Variants in ZNF142 observed in about 807,000 individuals in gnomAD.
ZNF142 encodes the protein zinc finger protein 142 (clone pHZ-49).
Under a neutral mutation model 132.1 loss-of-function variants are expected in ZNF142, and 96 were observed. That is an observed-to-expected ratio of 0.73 (90% CI 0.62 to 0.86). The LOEUF (loss-of-function observed/expected upper bound fraction) is 0.86. Among genes scored for constraint, ZNF142 ranks in the 40% least tolerant of loss-of-function variants. The pLI is 0.00. For synonymous variants in ZNF142, 842 were observed against 890.1 expected, an observed-to-expected ratio of 0.95 and a Z score of 0.96; for missense variants, 2,163 against 2,336.2, an observed-to-expected ratio of 0.93 and a Z score of 1.53.
In ZNF142 at chr2:218,644,344, C is replaced by T. The variant is rs762842651; in HGVS notation, c.2772G>A (p.Arg924=). 1.2e-6 allele frequency: 2 copies of T among 1,614,002 alleles called. No individual in the cohort carries two copies. The highest frequency in any genetic ancestry group is 2.2e-5 in the South Asian group (2 of 91,086). Residue 924 remains arginine (R), a synonymous_variant, in exon 9 of 11, where the codon AGG becomes AGA. Transcript: ENST00000411696. The surrounding 1 kb of genome is among the most constrained non-coding windows in gnomAD (Gnocchi z 4.6). ...EVTETAPMEF[R]PLGLEGPDGL... The stretch of plus-strand genomic sequence containing the variant: ...CATCTGGCCCTTCCAGTCCCAGGGG[C>T]CTGAACTCCATAGGGGCTGTTTCAG...
In ZNF142 at chr2:218,643,545, AG is replaced by A; in HGVS notation, c.3570del (p.Ser1191HisfsTer26). ...CFDPVPPAGN[S>X]SPTEAPKKHH... Reference sequence around the variant, plus strand: ...TGCTTCTTAGGGGCCTCCGTGGGTGAGGAGTTTCCTGCAGGAGGGACTGGGT... The same window carrying A: ...TGCTTCTTAGGGGCCTCCGTGGGTGAGAGTTTCCTGCAGGAGGGACTGGGT... On this transcript the variant is annotated frameshift_variant, in exon 9 of 11. Coordinates refer to ENST00000411696, the MANE Select transcript of ZNF142 (RefSeq NM_001379659.1). LOFTEE classifies it high-confidence loss of function. 1.2e-6 allele frequency: 2 copies of A among 1,608,300 alleles called. No homozygotes were observed. Among genetic ancestry groups the A allele is most frequent in the Non-Finnish European group, 1.7e-6 (2 of 1,176,424 alleles).
intron 4 of ZNF142, among the ~76,000 whole-genome samples, chr2:218,652,533 A>G (rs1028921359): frequency 6.6e-6 from 1 of 152,212 alleles, no homozygotes; most frequent in Non-Finnish European, 1.5e-5. Context: ...TGCTTAATAA[A>G]TATTTGTTAA....
intron 8 of ZNF142, among the ~76,000 whole-genome samples, 188 bp downstream of exon 8, chr2:218,645,983 G>A (rs1017208991): frequency 2.0e-5 from 3 of 152,286 alleles, no homozygotes; most frequent in South Asian, 2.1e-4. Context: ...GAACTCCCAA[G>A]CTCAAGCAAT....
Position 218,644,889 on chromosome 2 carries a change from G to C in ZNF142, c.2227C>G (p.Leu743Val). 1 of 1,614,122 alleles carries C rather than the reference G, an allele frequency of 6.2e-7. No individual in the cohort carries two copies. ...SQHHPGTPAP[L>V]YPCHYCSYQS... ...TAACTGCAGTAGTGGCAAGGGTAGA[G>C]TGGGGCCGGTGTGCCAGGGTGGTGC... The change falls in exon 9 of 11, where the codon CTC (leucine) becomes GTC (valine). Residue 743 changes from leucine to valine, a missense_variant. Around this residue, in one of 7 missense-constraint regions of ZNF142, gnomAD observed 749 missense variants for 830.3 expected, o/e 0.90. Transcript: ENST00000411696. This position sits in a 1 kb window ranked among gnomAD's most constrained non-coding sequence, Gnocchi z 4.6.
Position 218,636,440 on chromosome 2 carries a change from C to T in ZNF142, c.*1899G>A, listed in dbSNP as rs1696759260. 4 of 1,614,030 alleles carry T rather than the reference C, an allele frequency of 2.5e-6. No individual in the cohort carries two copies. Among genetic ancestry groups the T allele is most frequent in the Admixed American group, 3.3e-5 (2 of 60,034 alleles). Reference sequence around the variant, plus strand: ...TGGCCAATACCCCAGCTCTGGCTGCCTTCCTAATGCTGTCCTCCTGCCCCT... The same window carrying T: ...TGGCCAATACCCCAGCTCTGGCTGCTTTCCTAATGCTGTCCTCCTGCCCCT... On this transcript the variant is annotated 3_prime_UTR_variant, in exon 11 of 11. Transcript: ENST00000411696.
chr2:218,648,724 T>C lies in ZNF142; in HGVS notation c.1784A>G (p.His595Arg), dbSNP rs61733646. ...ACACTGGTGGATCTTTTCATGAGCATGCATCTTGCCTACATGATCCTGGTA... is the reference window on the plus strand; with the variant it reads ...ACACTGGTGGATCTTTTCATGAGCACGCATCTTGCCTACATGATCCTGGTA... ...VAYQDHVGKMHAHEKIHQCPE... is the reference protein window; with the variant it reads ...VAYQDHVGKMRAHEKIHQCPE... The change falls in exon 7 of 11, where the codon CAT becomes CGT. Residue 595 changes from histidine (H) to arginine (R), a missense_variant. Coordinates refer to ENST00000411696, the MANE Select transcript of ZNF142 (RefSeq NM_001379659.1). 1.9e-6 allele frequency: 3 copies of C among 1,614,118 alleles called. No homozygotes were observed. The highest frequency in any genetic ancestry group is 2.2e-5 in the East Asian group (1 of 44,896).
Position 218,648,723 on chromosome 2 carries a change from A to C in ZNF142, c.1785T>G (p.His595Gln). Residue 595 changes from histidine (H) to glutamine (Q), a missense_variant, in exon 7 of 11, where the codon CAT becomes CAG. Transcript: ENST00000411696. ...VAYQDHVGKM[H>Q]AHEKIHQCPE... is the part of the protein sequence containing the mutation. ...GACACTGGTGGATCTTTTCATGAGCATGCATCTTGCCTACATGATCCTGGT... is the reference window on the plus strand; with the variant it reads ...GACACTGGTGGATCTTTTCATGAGCCTGCATCTTGCCTACATGATCCTGGT... 1 of 1,614,242 alleles carries C rather than the reference A, an allele frequency of 6.2e-7. No homozygotes were observed. Among genetic ancestry groups the C allele is most frequent in the Non-Finnish European group, 8.5e-7 (1 of 1,180,036 alleles).
Position 218,633,963 on chromosome 2 carries a change from A to G in ZNF142, c.*4376T>C, listed in dbSNP as rs1245192452. 2 of 1,272,748 alleles carry G rather than the reference A, an allele frequency of 1.6e-6. No homozygotes were observed. Among genetic ancestry groups the G allele is most frequent in the African/African-American group, 3.0e-5 (2 of 67,026 alleles). 78.8% of individuals were successfully genotyped at this position (1,272,748 alleles called of 1,614,324 possible). ...GGGGCAGGAAAGCTGGTCTGGATGGACAGAGTAGAGAGGCACAGTGAAACT... is the reference window on the plus strand; with the variant it reads ...GGGGCAGGAAAGCTGGTCTGGATGGGCAGAGTAGAGAGGCACAGTGAAACT... On this transcript the variant is annotated 3_prime_UTR_variant, in exon 11 of 11. Transcript: ENST00000411696.
intron 8 of ZNF142, among the ~76,000 whole-genome samples, chr2:218,645,933 T>G (rs1247109310): frequency 6.6e-6 from 1 of 152,164 alleles, no homozygotes; most frequent in Non-Finnish European, 1.5e-5. Context: ...AGCTAATTTT[T>G]GTAGTTTTAG....
intron 10 of ZNF142, among the ~76,000 whole-genome samples, chr2:218,640,414 T>G (rs778925347): frequency 4.6e-5 from 7 of 152,188 alleles, no homozygotes; most frequent in Non-Finnish European, 1.0e-4. Context: ...AATGACTGAC[T>G]TCGTAACACA....
rs1262787004 is a variant in ZNF142, at chr2:218,640,745, C to T, written c.5113G>A (p.Glu1705Lys). 6.2e-7 allele frequency: 1 copy of T among 1,614,192 alleles called. No individual in the cohort carries two copies. Among genetic ancestry groups the T allele is most frequent in the South Asian group, 1.1e-5 (1 of 91,082 alleles). ...CACTCAGGGCACAGGTACTTCCGTT[C>T]CTCCTTGTGGATCCGCATGTGGTAC... is the stretch of plus-strand genomic sequence containing the variant. ...LKYHMRIHKE[E>K]RKYLCPECGY... Residue 1705 changes from glutamate to lysine, a missense_variant, in exon 10 of 11, where the codon GAA (glutamate) becomes AAA (lysine). Physicochemically the swap from Glu to Lys is moderately conservative, Grantham distance 56 (BLOSUM62 1). Around this residue, in one of 7 missense-constraint regions of ZNF142, gnomAD observed 325 missense variants for 367.8 expected, o/e 0.88. Transcript: ENST00000411696.
chr2:218,655,517 T>C (rs1938401343), intron 4 of ZNF142, among the ~76,000 whole-genome samples: 1 of 152,176 alleles, frequency 6.6e-6, no homozygotes, highest in Non-Finnish European at 1.5e-5. Flanking sequence ...CTCACTATAT[T>C]GCCCAGGCTG....
At position 218,638,607 on chromosome 2, in the gene ZNF142, T is replaced by C. The variant is rs753180361; in HGVS notation, c.5396A>G (p.His1799Arg). Residue 1799 changes from histidine (H) to arginine (R), a missense_variant, in exon 11 of 11, where the codon CAC (histidine) becomes CGC (arginine). By Grantham distance (29) the His-to-Arg change is conservative. Coordinates refer to ENST00000411696, the MANE Select transcript of ZNF142 (RefSeq NM_001379659.1). ...EAKPYVCNVC[H>R]RAFRWAAGLR... The stretch of plus-strand genomic sequence containing the variant: ...GCCAGCAGCCCAGCGGAAAGCACGG[T>C]GGCACACATTGCACACATAGGGTTT... 11 of 1,614,118 alleles carry C rather than the reference T, an allele frequency of 6.8e-6. No homozygotes were observed. The Admixed American group carries it at 1.2e-4, about 17-fold the overall frequency.
Position 218,638,558 on chromosome 2 carries a change from G to A in ZNF142, c.5445C>T (p.His1815=). The A allele has an allele frequency of 6.2e-7, 1 of 1,611,684 alleles. No individual in the cohort carries two copies. The highest frequency in any genetic ancestry group is 8.5e-7 in the Non-Finnish European group (1 of 1,178,080). Residue 1815 remains histidine, a synonymous_variant, in exon 11 of 11, where the codon CAC becomes CAT. Coordinates refer to ENST00000411696, the MANE Select transcript of ZNF142 (RefSeq NM_001379659.1). ...GGCAAAAGAAGGGGTGGCGGTCGGT[G>A]TGGGTGAGGGCATGATGGCGCAGGC... ...AAGLRHHALT[H]TDRHPFFCRL...
In ZNF142 at chr2:218,636,597, G is replaced by A. The variant is rs551067018; in HGVS notation, c.*1742C>T. On this transcript the variant is annotated 3_prime_UTR_variant, in exon 11 of 11. Transcript: ENST00000411696. ...TCCTGAGGTGGGCATTTCACGGGAA[G>A]GGTTGGTGTGCTGGCTTTAGACGGG... 21 of 1,609,372 alleles carry A rather than the reference G, an allele frequency of 1.3e-5. No homozygotes were observed. Among genetic ancestry groups the A allele is most frequent in the South Asian group, 2.2e-5 (2 of 90,840 alleles).
rs1207994461 is a variant in ZNF142, at chr2:218,644,776, G to A, written c.2340C>T (p.Tyr780=). 6.2e-7 allele frequency: 1 copy of A among 1,614,234 alleles called. No individual in the cohort carries two copies. The change falls in exon 9 of 11, where the codon TAC becomes TAT. Residue 780 remains tyrosine, a synonymous_variant. Transcript: ENST00000411696. This position sits in a 1 kb window ranked among gnomAD's most constrained non-coding sequence, Gnocchi z 4.6. ...LREFHCALCD[Y]RTFSNTTLLF... is the part of the protein sequence containing the mutation. ...AGAGTGTGGTGTTGCTGAAGGTGCG[G>A]TAGTCACAGAGGGCACAGTGGAACT...
rs1414538621 is a variant in ZNF142, at chr2:218,640,665, T to G, written c.5193A>C (p.Thr1731=). 8 of 1,614,108 alleles carry G rather than the reference T, an allele frequency of 5.0e-6. No individual in the cohort carries two copies. Among genetic ancestry groups the G allele is most frequent in the Middle Eastern group, 1.6e-4 (1 of 6,062 alleles). Residue 1731 remains threonine (T), a splice_region_variant and synonymous_variant, in exon 10 of 11, where the codon ACA becomes ACC. Transcript: ENST00000411696. ...NQLKYHMTKH[T]GLKPYQCPEC... is the part of the protein sequence containing the mutation. ...CCTGTCGAAACCACACAGACTCACC[T>G]GTATGCTTGGTCATGTGGTATTTCA...
Position 218,636,408 on chromosome 2 carries a change from TG to T in ZNF142, c.*1930del. 5.6e-6 allele frequency: 9 copies of T among 1,614,018 alleles called. No individual in the cohort carries two copies. The highest frequency in any genetic ancestry group is 1.1e-5 in the South Asian group (1 of 91,086). On this transcript the variant is annotated 3_prime_UTR_variant, in exon 11 of 11. Transcript: ENST00000411696. ...ATGCAACAAGGTGAGCCAGCCCCTT[TG>T]GCCCCTGGCCAATACCCCAGCTCTG...
intron 4 of ZNF142, among the ~76,000 whole-genome samples, chr2:218,654,923 A>T (rs954323280): frequency 1.4e-4 from 21 of 152,144 alleles, no homozygotes; most frequent in African/African-American, 4.1e-4. Flanking sequence ...CGTTTCTACC[A>T]AAGAAAATTT....
Sources: gnomAD v4.1 joint callset for allele counts (sites outside exome capture counted in the v4.1 genomes callset) on GRCh38, gnomAD v4.1.1 for gene constraint, gnomAD v4.1.1 regional missense constraint, Gnocchi (gnomAD v3.1) non-coding constraint, MANE v1.5 for transcripts, NCBI Gene and HGNC (gene_info 2026-07-23, HGNC 2026-07-21) for gene names.